Variants in ZBED6 observed in about 807,000 individuals in gnomAD.
The protein encoded by ZBED6 is zinc finger BED domain-containing protein 6.
ZBED6 carries 40 observed loss-of-function variants against 58.4 expected under a neutral mutation model. The ratio of observed to expected loss-of-function variants is 0.68; its 90% CI spans 0.53 to 0.89. The LOEUF is 0.89. Among genes scored for constraint, ZBED6 ranks in the 40% least tolerant of loss-of-function variants. The pLI is 0.00. For synonymous variants in ZBED6, 439 were observed against 350.6 expected (o/e 1.25, Z -2.82); for missense variants, 1,057 against 1,003.9 (o/e 1.05, Z -0.71).
At chr1:203,853,084 G>A (rs1311328478) in exon 17 of ZBED6, 2 of 151,772 alleles carry the variant, frequency 1.3e-5, no homozygotes, top group Admixed American at 1.3e-4. Flanking sequence ...GGGGTCCCCT[G>A]AAACTAATTT....
chr1:203,850,141 C>A, intron 14 of ZBED6, 115 bp downstream of exon 14: 1 of 857,104 alleles, frequency 1.2e-6, no homozygotes, highest in East Asian at 2.6e-5. Flanking sequence ...GCCTTCTATC[C>A]ACAGGTAGAT....
At chr1:203,803,515 A>G (rs144425273) in intron 1 of ZBED6, among the ~76,000 whole-genome samples, 94 of 152,232 alleles carry the variant, frequency 6.2e-4, no homozygotes, top group Middle Eastern at 3.4e-3. Context: ...CTTTGTTTTG[A>G]TAATATATGT....
At chr1:203,847,399 G>A (rs764253083) in exon 12 of ZBED6, 34 of 1,613,794 alleles carry the variant, frequency 2.1e-5, no homozygotes, top group Non-Finnish European at 2.7e-5. Context: ...GCAGCAGGAA[G>A]CAGAGAGACA....
At chr1:203,833,518 A>G (rs1385765496) in intron 8 of ZBED6, among the ~76,000 whole-genome samples, 1 of 151,838 alleles carries the variant, frequency 6.6e-6, no homozygotes, top group East Asian at 1.9e-4. Context: ...GTGACAGAGC[A>G]AGAGTCTATT....
chr1:203,813,024 GTTTTC>G (rs1474914095), intron 1 of ZBED6, among the ~76,000 whole-genome samples: 1 of 151,952 alleles, frequency 6.6e-6, no homozygotes, highest in Non-Finnish European at 1.5e-5. Context: ...TTGGGGAGTT[GTTTTC>G]TTATTTTTGA....
At chr1:203,805,350 C>G (rs1444011869) in intron 1 of ZBED6, among the ~76,000 whole-genome samples, 1 of 152,010 alleles carries the variant, frequency 6.6e-6, no homozygotes, top group Non-Finnish European at 1.5e-5. Context: ...CCAGGCTGGT[C>G]TCGAACTTCT....
intron 9 of ZBED6, among the ~76,000 whole-genome samples, chr1:203,834,802 C>T (rs182125188): frequency 1.2e-4 from 18 of 152,252 alleles, no homozygotes. Context: ...GGCACTACCC[C>T]TGGCTAATTT....
At position 203,799,778 on chromosome 1, in the gene ZBED6, T is replaced by TA; in HGVS notation, c.2257dup (p.Thr753AsnfsTer8). 1 of 1,012,318 alleles carries TA rather than the reference T, an allele frequency of 9.9e-7. No individual in the cohort carries two copies. The highest frequency in any genetic ancestry group is 1.5e-6 in the Non-Finnish European group (1 of 668,236). 62.7% of individuals were successfully genotyped at this position (1,012,318 alleles called of 1,614,324 possible). The stretch of plus-strand genomic sequence containing the variant: ...GTTTATCTCTGAAACTTGAAACAGA[T>TA]ACCCTACTAAGTGCCATGCTTAAAT... On this transcript the variant is annotated frameshift_variant, in exon 1 of 17. Transcript: ENST00000550078. LOFTEE classifies it high-confidence loss of function.
At chr1:203,846,898 G>A (rs1688054548) in intron 11 of ZBED6, among the ~76,000 whole-genome samples, 2 of 151,944 alleles carry the variant, frequency 1.3e-5, no homozygotes, top group African/African-American at 4.8e-5. Flanking sequence ...CAGCTACTTG[G>A]GAGGCTGAGG....
chr1:203,798,180 A>G (rs1161047930), exon 1 of ZBED6: 20 of 1,536,020 alleles, frequency 1.3e-5, no homozygotes, highest in East Asian at 2.4e-5. Flanking sequence ...ATATATTCCT[A>G]CTGATCCATT....
At chr1:203,799,093 T>C in exon 1 of ZBED6, 1 of 1,536,042 alleles carries the variant, frequency 6.5e-7, no homozygotes, top group Non-Finnish European at 8.7e-7. Context: ...AAGTGGGCAG[T>C]GCTTTGTGTT....
chr1:203,797,689 C>T (rs750943051), exon 1 of ZBED6: 1 of 1,535,370 alleles, frequency 6.5e-7, no homozygotes, highest in South Asian at 1.2e-5. Flanking sequence ...AATAAAGAGG[C>T]AAAACAGCCT....
chr1:203,851,163 C>T, intron 16 of ZBED6, 39 bp downstream of exon 16: 1 of 1,592,954 alleles, frequency 6.3e-7, no homozygotes, highest in Middle Eastern at 1.7e-4. Context: ...ACTCCAGGCC[C>T]CTGTTACTGT....
rs185992472 is a variant in ZBED6, at chr1:203,842,129, C to T, written c.*3741+1755C>T. Among the ~76,000 whole-genome samples, 988 of 149,968 alleles carry T rather than the reference C, an allele frequency of 6.6e-3. 10 individuals carry two copies. Among genetic ancestry groups the T allele is most frequent in the Middle Eastern group, 0.028 (8 of 288 alleles). ...TCACTTCCCAGACTGGGCGGCTGGGCGGAAGGGCTCCTCACATCCCAGACG... is the reference window on the plus strand; with the variant it reads ...TCACTTCCCAGACTGGGCGGCTGGGTGGAAGGGCTCCTCACATCCCAGACG... On this transcript the variant is annotated intron_variant, in intron 11 of 16. Transcript: ENST00000550078.
intron 1 of ZBED6, chr1:203,806,102 T>C (rs1672244878): frequency 4.0e-6 from 2 of 497,674 alleles, no homozygotes; most frequent in African/African-American, 2.0e-5. Flanking sequence ...ATATTCTTTG[T>C]AGGACCCCCT....
chr1:203,824,122 G>C (rs1679683015), intron 3 of ZBED6, among the ~76,000 whole-genome samples: 1 of 151,986 alleles, frequency 6.6e-6, no homozygotes, highest in Non-Finnish European at 1.5e-5. Flanking sequence ...ACAAAAATTA[G>C]TCGGGCGTGG....
chr1:203,822,826 C>T (rs1679230593), intron 3 of ZBED6, among the ~76,000 whole-genome samples: 1 of 152,160 alleles, frequency 6.6e-6, no homozygotes, highest in Non-Finnish European at 1.5e-5. Context: ...CAATACCCTG[C>T]TCTGGGCCAC....
intron 3 of ZBED6, among the ~76,000 whole-genome samples, chr1:203,826,607 C>T (rs1275711468): frequency 6.6e-6 from 1 of 151,960 alleles, no homozygotes; most frequent in East Asian, 1.9e-4. Context: ...AGATTTTGAC[C>T]TTTGCCCTTT....
intron 2 of ZBED6, among the ~76,000 whole-genome samples, chr1:203,817,452 A>G (rs1347094781): frequency 6.7e-6 from 1 of 150,182 alleles, no homozygotes; most frequent in African/African-American, 2.4e-5. Flanking sequence ...TTGATTTTAT[A>G]TACTTCATAT....
Sources: allele counts gnomAD v4.1 joint callset (sites outside exome capture counted in the v4.1 genomes callset), GRCh38; gene constraint gnomAD v4.1.1; transcripts MANE v1.5; gene names NCBI Gene and HGNC (gene_info 2026-07-23, HGNC 2026-07-21).